Variants in RALA observed in about 807,000 individuals in gnomAD.
RALA encodes RAS like proto-oncogene A.
In RALA, 5 loss-of-function variants were observed where a neutral mutation model predicts 24.0. The ratio of observed to expected loss-of-function variants is 0.21; its 90% CI spans 0.11 to 0.44. The LOEUF (loss-of-function observed/expected upper bound fraction) is 0.44. Ranked by LOEUF, RALA falls within the 20% of genes least tolerant of loss-of-function variation. The pLI is 0.99. For synonymous variants in RALA, 77 were observed against 83.8 expected (o/e 0.92, Z 0.44); for missense variants, 95 against 241.2 (o/e 0.39, Z 4.01).
At chr7:39,669,069 G>A (rs1160264285) in intron 1 of RALA, among the ~76,000 whole-genome samples, 2 of 152,034 alleles carry the variant, frequency 1.3e-5, no homozygotes, top group Non-Finnish European at 1.5e-5. Flanking sequence ...AACCGAGATC[G>A]CACCACTGCA....
chr7:39,652,168 G>A (rs533542763), intron 1 of RALA, among the ~76,000 whole-genome samples: 3 of 152,292 alleles, frequency 2.0e-5, no homozygotes, highest in African/African-American at 7.2e-5. Context: ...AAGAGAGGGT[G>A]AAAGGGCAAG....
At chr7:39,686,321 C>A (rs1402797940) in intron 1 of RALA, among the ~76,000 whole-genome samples, 2 of 152,054 alleles carry the variant, frequency 1.3e-5, no homozygotes, top group Admixed American at 6.5e-5. Context: ...TATTGCAGTG[C>A]AGCTGATACC....
rs750252085 is a variant in RALA, at chr7:39,690,628, A to G, written c.323+38A>G. ...GTAATGTTGTTGCTTGTGACATACT[A>G]TACAACAATTTCTTCCCCAGAAACA... On this transcript the variant is annotated intron_variant, in intron 3 of 4. Transcript: ENST00000005257. 27 of 1,478,160 alleles carry G rather than the reference A, an allele frequency of 1.8e-5. No individual in the cohort carries two copies. In the Admixed American group the frequency reaches 3.2e-4, roughly 18 times the overall value. 91.6% of individuals were successfully genotyped at this position (1,478,160 alleles called of 1,614,324 possible).
At chr7:39,659,483 T>A (rs1046712729) in intron 1 of RALA, among the ~76,000 whole-genome samples, 3 of 152,202 alleles carry the variant, frequency 2.0e-5, no homozygotes, top group African/African-American at 7.2e-5. Flanking sequence ...CACTTTTATC[T>A]TTCATGAAAA....
chr7:39,699,118 G>GT lies in RALA; in HGVS notation c.498+2261dup, dbSNP rs1209729467. Among the ~76,000 whole-genome samples, 516 of 83,518 alleles carry GT rather than the reference G, an allele frequency of 6.2e-3. 2 individuals carry two copies. Among genetic ancestry groups the GT allele is most frequent in the African/African-American group, 0.015 (316 of 21,186 alleles). 54.8% of individuals were successfully genotyped at this position (83,518 alleles called of 152,430 possible). A position where few individuals can be genotyped will look rare whatever the true frequency, so the allele number is the denominator to read the frequency against. ...ACCCAGCAATTTAAGTGCTAAAAAT[G>GT]TTATTTTTTTTTTTTTTTTTTTTTT... On this transcript the variant is annotated intron_variant, in intron 4 of 4. Transcript: ENST00000005257.
chr7:39,696,534 C>T (rs952092701), intron 3 of RALA, 151 bp from the exon 4 acceptor site: 2 of 591,900 alleles, frequency 3.4e-6, no homozygotes, highest in East Asian at 6.4e-5. Context: ...ACCTTAGTTG[C>T]TAATACTGTA....
intron 1 of RALA, among the ~76,000 whole-genome samples, chr7:39,625,148 A>G (rs1791460325): frequency 6.6e-6 from 1 of 152,208 alleles, no homozygotes; most frequent in African/African-American, 2.4e-5. Context: ...GTTATCTCAC[A>G]GTCACCATCC....
intron 1 of RALA, among the ~76,000 whole-genome samples, chr7:39,678,660 T>A (rs922804062): frequency 1.2e-4 from 19 of 152,186 alleles, no homozygotes. Context: ...CAAGGACCCC[T>A]GTTCCTTTGA....
intron 1 of RALA, among the ~76,000 whole-genome samples, chr7:39,632,960 G>A (rs990143363): frequency 1.3e-5 from 2 of 152,166 alleles, no homozygotes; most frequent in Non-Finnish European, 2.9e-5. Context: ...GTTTATACAA[G>A]CAGCCCTGAG....
chr7:39,684,966 A>G (rs1406428223), intron 1 of RALA, among the ~76,000 whole-genome samples: 2 of 152,142 alleles, frequency 1.3e-5, no homozygotes, highest in Non-Finnish European at 2.9e-5. Flanking sequence ...CCAAGTGAAC[A>G]TGGTCCTGAA....
At chr7:39,693,012 G>A (rs1018951493) in intron 3 of RALA, among the ~76,000 whole-genome samples, 17 of 152,116 alleles carry the variant, frequency 1.1e-4, no homozygotes, top group African/African-American at 3.9e-4. Flanking sequence ...ACAGTGTGGC[G>A]ATTCCTCAAG....
intron 1 of RALA, among the ~76,000 whole-genome samples, chr7:39,680,997 A>G (rs112983023): frequency 0.016 from 2,497 of 152,240 alleles, 54 homozygotes; most frequent in Admixed American, 0.059. Context: ...TATTCTTTGC[A>G]TTGTCTTACC....
chr7:39,638,988 C>T (rs1436043545), intron 1 of RALA, among the ~76,000 whole-genome samples: 1 of 152,222 alleles, frequency 6.6e-6, no homozygotes, highest in Non-Finnish European at 1.5e-5. Context: ...TCCTCACCAG[C>T]AGTGTTTGAG....
chr7:39,634,090 C>T (rs955648385), intron 1 of RALA, among the ~76,000 whole-genome samples: 2 of 152,074 alleles, frequency 1.3e-5, no homozygotes, highest in Non-Finnish European at 2.9e-5. Flanking sequence ...TAATTTATTG[C>T]CCCATATACT....
intron 3 of RALA, 136 bp downstream of exon 3, chr7:39,690,726 T>G (rs578159260): frequency 1.5e-6 from 1 of 679,082 alleles, no homozygotes; most frequent in Non-Finnish European, 2.4e-6. Flanking sequence ...CTTTTTGATA[T>G]CAGTATATGA....
At chr7:39,680,262 G>C (rs139435570) in intron 1 of RALA, among the ~76,000 whole-genome samples, 1 of 151,782 alleles carries the variant, frequency 6.6e-6, no homozygotes, top group African/African-American at 2.4e-5. Flanking sequence ...CCAGCTACTC[G>C]GGAGGCTGAG....
chr7:39,642,737 G>C (rs534437600), intron 1 of RALA, among the ~76,000 whole-genome samples: 1 of 152,284 alleles, frequency 6.6e-6, no homozygotes, highest in African/African-American at 2.4e-5. Flanking sequence ...TTGGTTTGCT[G>C]TTGGGAGCAG....
chr7:39,686,419 C>T (rs928378261), intron 1 of RALA, among the ~76,000 whole-genome samples: 1 of 152,108 alleles, frequency 6.6e-6, no homozygotes, highest in Non-Finnish European at 1.5e-5. Flanking sequence ...AAGAGAAATG[C>T]CCTTGAGTCA....
chr7:39,668,596 G>A (rs1053060796), intron 1 of RALA, among the ~76,000 whole-genome samples: 3 of 151,944 alleles, frequency 2.0e-5, no homozygotes, highest in Non-Finnish European at 4.4e-5. Context: ...ATCGGGAGTT[G>A]AGACCAGCTT....
Sources: allele counts gnomAD v4.1 joint callset (sites outside exome capture counted in the v4.1 genomes callset), GRCh38; gene constraint gnomAD v4.1.1; transcripts MANE v1.5; gene names NCBI Gene and HGNC (gene_info 2026-07-23, HGNC 2026-07-21).